Variants in NR2C2 observed in about 807,000 individuals in gnomAD.
NR2C2 encodes the protein nuclear receptor subfamily 2 group C member 2, also known as Nuclear hormone receptor TR4.
In NR2C2, 6 loss-of-function variants were observed where a neutral mutation model predicts 62.9. The ratio of observed to expected loss-of-function variants is 0.10; its 90% CI spans 0.05 to 0.19. The LOEUF (loss-of-function observed/expected upper bound fraction) is 0.19. Among genes scored for constraint, NR2C2 ranks in the 10% least tolerant of loss-of-function variants. NR2C2 has a pLI of 1.00. For missense variants in NR2C2, 479 were observed against 762.7 expected (o/e 0.63, Z 4.38); for synonymous variants, 272 against 273.8 (o/e 0.99, Z 0.07).
intron 2 of NR2C2, among the ~76,000 whole-genome samples, chr3:15,011,069 C>T (rs959378310): frequency 6.6e-6 from 1 of 152,112 alleles, no homozygotes; most frequent in Non-Finnish European, 1.5e-5. Context: ...GGCTTGGTGG[C>T]TCATGCCTGA....
chr3:14,966,325 A>T (rs190705775), intron 1 of NR2C2, among the ~76,000 whole-genome samples: 1 of 152,016 alleles, frequency 6.6e-6, no homozygotes, highest in East Asian at 1.9e-4. Flanking sequence ...CACTAGTTGA[A>T]TAGGAAAGAT....
intron 2 of NR2C2, among the ~76,000 whole-genome samples, chr3:15,008,913 T>C (rs551588827): frequency 9.2e-5 from 14 of 152,240 alleles, no homozygotes; most frequent in African/African-American, 3.4e-4. Context: ...GTTAAATACA[T>C]AGTGACTATA....
intron 2 of NR2C2, among the ~76,000 whole-genome samples, chr3:15,009,305 T>C (rs1574999146): frequency 6.6e-6 from 1 of 152,164 alleles, no homozygotes; most frequent in Middle Eastern, 3.4e-3. Flanking sequence ...GAGGATTGCG[T>C]CTCATGAGTT....
chr3:14,964,616 G>A (rs891036320), intron 1 of NR2C2, among the ~76,000 whole-genome samples: 4 of 151,726 alleles, frequency 2.6e-5, no homozygotes, highest in Admixed American at 1.3e-4. Context: ...CCAGGTTCAC[G>A]CCATTCTCCT....
chr3:14,983,692 A>G (rs1352275252), intron 1 of NR2C2, among the ~76,000 whole-genome samples: 1 of 152,116 alleles, frequency 6.6e-6, no homozygotes, highest in Non-Finnish European at 1.5e-5. Context: ...ACACCAGTAA[A>G]ACTGTTGGTG....
At chr3:14,956,598 C>T (rs137888522) in intron 1 of NR2C2, among the ~76,000 whole-genome samples, 296 of 152,250 alleles carry the variant, frequency 1.9e-3, no homozygotes, top group African/African-American at 6.6e-3. Context: ...GGCTGGAGTG[C>T]AGTGGCTCAA....
At position 15,023,246 on chromosome 3, in the gene NR2C2, A is replaced by C. The variant is rs781375247; in HGVS notation, c.603A>C (p.Pro201=). 3 of 1,614,132 alleles carry C rather than the reference A, an allele frequency of 1.9e-6. No individual in the cohort carries two copies. Among genetic ancestry groups the C allele is most frequent in the Non-Finnish European group, 1.7e-6 (2 of 1,180,048 alleles). Residue 201 remains proline, a synonymous_variant, in exon 6 of 14, where the codon CCA becomes CCC. Coordinates refer to ENST00000425241, the MANE Select transcript of NR2C2 (RefSeq NM_001291694.2). ...RKPFDVQREK[P]SNCAASTEKI... ...CCTTCGATGTGCAACGGGAGAAACC[A>C]AGCAATTGTGCTGCTTCAACTGAGA...
At chr3:15,034,895 C>T (rs539997985) in intron 11 of NR2C2, 86 bp downstream of exon 11, 4 of 1,364,106 alleles carry the variant, frequency 2.9e-6, no homozygotes, top group Admixed American at 5.5e-5. Flanking sequence ...GTTGGAGGCT[C>T]ATGTCAAAGA....
At chr3:14,974,301 T>G (rs2040138730) in intron 1 of NR2C2, among the ~76,000 whole-genome samples, 2 of 152,246 alleles carry the variant, frequency 1.3e-5, no homozygotes, top group Admixed American at 1.3e-4. Context: ...AGCTTTGTAG[T>G]AAGTTTTGAA....
chr3:15,039,330 C>G, intron 13 of NR2C2, 103 bp downstream of exon 13: 1 of 733,994 alleles, frequency 1.4e-6, no homozygotes, highest in South Asian at 1.6e-5. Flanking sequence ...TTTTTAGCAG[C>G]CTGATAGAGC....
intron 1 of NR2C2, chr3:14,959,520 CTGCTTGTTTTTCCAGAAGG>C (rs2039631552): frequency 6.6e-6 from 1 of 151,960 alleles, no homozygotes; most frequent in South Asian, 2.1e-4. Flanking sequence ...TTTTTTGTCT[CTGCTTGTTTTTCCAGAAGG>C]TGCACATTCC....
chr3:15,012,328 C>T (rs769164876), intron 2 of NR2C2, among the ~76,000 whole-genome samples: 5 of 151,916 alleles, frequency 3.3e-5, no homozygotes, highest in Middle Eastern at 3.4e-3. Context: ...TGAGTTCAAG[C>T]GATTCTCGTG....
intron 4 of NR2C2, 67 bp downstream of exon 4, chr3:15,016,321 G>A: frequency 8.6e-7 from 1 of 1,162,246 alleles, no homozygotes; most frequent in Non-Finnish European, 1.3e-6. Flanking sequence ...GTTGTGAGGT[G>A]GGGTGGTAGT....
intron 1 of NR2C2, among the ~76,000 whole-genome samples, chr3:14,957,679 A>G (rs1470860901): frequency 1.3e-5 from 2 of 152,158 alleles, no homozygotes; most frequent in Non-Finnish European, 2.9e-5. Context: ...TTTGTGTGCT[A>G]TCGAGGAAAA....
intron 1 of NR2C2, among the ~76,000 whole-genome samples, chr3:14,961,510 A>G (rs925018639): frequency 6.6e-6 from 1 of 152,206 alleles, no homozygotes; most frequent in Non-Finnish European, 1.5e-5. Context: ...CTTGGGACCT[A>G]TACAGTCAAT....
At chr3:15,020,965 A>AACTC in intron 5 of NR2C2, 33 bp downstream of exon 5, 1 of 1,579,792 alleles carries the variant, frequency 6.3e-7, no homozygotes, top group Non-Finnish European at 8.7e-7. Context: ...CACATGAGTT[A>AACTC]ATGTGGAGGG....
intron 13 of NR2C2, among the ~76,000 whole-genome samples, chr3:15,039,921 C>T (rs1384105789): frequency 2.0e-5 from 3 of 151,962 alleles, no homozygotes; most frequent in East Asian, 1.9e-4. Flanking sequence ...GAGGCTGAGG[C>T]GGGTGGATCA....
chr3:14,978,357 A>G (rs1337037273), intron 1 of NR2C2, among the ~76,000 whole-genome samples: 3 of 152,220 alleles, frequency 2.0e-5, no homozygotes, highest in African/African-American at 7.2e-5. Context: ...AAAATCATGT[A>G]ACACAAAGCC....
intron 1 of NR2C2, among the ~76,000 whole-genome samples, chr3:14,950,099 G>A (rs2039304777): frequency 6.6e-6 from 1 of 152,122 alleles, no homozygotes; most frequent in South Asian, 2.1e-4. Flanking sequence ...TGTAAATAGA[G>A]TTATTGTTGT....
Sources: allele counts gnomAD v4.1 joint callset (sites outside exome capture counted in the v4.1 genomes callset), GRCh38; gene constraint gnomAD v4.1.1; transcripts MANE v1.5; gene names NCBI Gene and HGNC (gene_info 2026-07-23, HGNC 2026-07-21).